Variants in CUX1 observed in about 807,000 individuals in gnomAD.
The protein encoded by CUX1 is protein CASP.
A neutral mutation model predicts 158.8 loss-of-function variants in CUX1; 31 were observed. The ratio of observed to expected loss-of-function variants is 0.20; its 90% CI spans 0.15 to 0.26. The LOEUF (loss-of-function observed/expected upper bound fraction) is 0.26. Ranked by LOEUF, CUX1 falls within the 10% of genes least tolerant of loss-of-function variation. CUX1 has a pLI of 1.00. For synonymous variants in CUX1, 879 were observed against 862.1 expected (o/e 1.02, Z -0.34); for missense variants, 1,589 against 2,014.6 (o/e 0.79, Z 4.04).
chr7:102,279,552 G>A (rs1224719736), intron 18 of CUX1, among the ~76,000 whole-genome samples: 2 of 152,024 alleles, frequency 1.3e-5, no homozygotes, highest in Non-Finnish European at 2.9e-5. Flanking sequence ...GGGCATAGTG[G>A]GGCAGGGATT....
chr7:102,085,908 A>G (rs1454402820), intron 4 of CUX1, among the ~76,000 whole-genome samples: 1 of 152,134 alleles, frequency 6.6e-6, no homozygotes, highest in African/African-American at 2.4e-5. Flanking sequence ...AATTTTCTTT[A>G]TGGCAAGTTT....
intron 23 of CUX1, among the ~76,000 whole-genome samples, chr7:102,247,562 G>A (rs1554537364): frequency 2.0e-5 from 3 of 152,230 alleles, no homozygotes; most frequent in African/African-American, 7.2e-5. Flanking sequence ...GGTGGCTCAT[G>A]CCTGTAATCC....
At chr7:101,950,715 C>G (rs1808965516) in intron 2 of CUX1, among the ~76,000 whole-genome samples, 1 of 152,068 alleles carries the variant, frequency 6.6e-6, no homozygotes, top group African/African-American at 2.4e-5. Context: ...TTTTTTTCTT[C>G]TTTCTTTTCT....
chr7:102,262,741 C>T (rs923836886), downstream of CUX1, among the ~76,000 whole-genome samples: 2 of 152,236 alleles, frequency 1.3e-5, no homozygotes, highest in African/African-American at 4.8e-5. Context: ...CTGGGAGACC[C>T]TGCAGCTGTG....
chr7:102,048,000 C>G (rs1346278197), intron 3 of CUX1, among the ~76,000 whole-genome samples: 1 of 152,036 alleles, frequency 6.6e-6, no homozygotes, highest in Non-Finnish European at 1.5e-5. Context: ...GTCCCTCCCC[C>G]AGTCTTTTTC....
At chr7:101,943,078 CTTTTTTTT>C (rs58332486) in intron 2 of CUX1, among the ~76,000 whole-genome samples, 1 of 80,332 alleles carries the variant, frequency 1.2e-5, no homozygotes, top group Admixed American at 1.5e-4. Flanking sequence ...CTGGTCAGTG[CTTTTTTTT>C]TTTTTTTTTT....
intron 1 of CUX1, among the ~76,000 whole-genome samples, chr7:101,906,362 A>T (rs1584941664): frequency 6.6e-6 from 1 of 151,554 alleles, no homozygotes; most frequent in Non-Finnish European, 1.5e-5. Flanking sequence ...GGAGCTGGGG[A>T]AGTGGCATCA....
intron 8 of CUX1, among the ~76,000 whole-genome samples, chr7:102,128,611 G>A (rs1178070688): frequency 1.3e-5 from 2 of 151,648 alleles, no homozygotes; most frequent in African/African-American, 4.8e-5. Flanking sequence ...AAAGACCTGG[G>A]TTTAATTCCC....
chr7:101,969,227 C>T (rs1028702172), intron 2 of CUX1, among the ~76,000 whole-genome samples: 2 of 151,590 alleles, frequency 1.3e-5, no homozygotes, highest in African/African-American at 2.4e-5. Flanking sequence ...TTCAGCTACC[C>T]AGGAGGCTGA....
intron 3 of CUX1, among the ~76,000 whole-genome samples, chr7:102,064,583 C>A (rs560177312): frequency 6.6e-6 from 1 of 152,160 alleles, no homozygotes. Context: ...GGGAGTCAGG[C>A]GGGTGTGTGG....
At position 102,201,633 on chromosome 7, in the gene CUX1, C is replaced by T. The variant is rs782209446; in HGVS notation, c.2336C>T (p.Pro779Leu). ...CCTGAGGCCGGTGCCTCTGCTCTGC[C>T]GAACCCCCCGGCCCTCAAAAAGGAG... ...AAPEAGASAL[P>L]NPPALKKEAQ... The change falls in exon 18 of 24, where the codon CCG becomes CTG. Residue 779 changes from proline (P) to leucine (L), a missense_variant. Around this residue, in one of 8 missense-constraint regions of CUX1, gnomAD observed 337 missense variants for 409.3 expected, o/e 0.82. Coordinates refer to ENST00000292535, the MANE Select transcript of CUX1 (RefSeq NM_181552.4). This position sits in a 1 kb window ranked among gnomAD's most constrained non-coding sequence, Gnocchi z 5.0. 12 of 1,613,572 alleles carry T rather than the reference C, an allele frequency of 7.4e-6. No homozygotes were observed. The highest frequency in any genetic ancestry group is 4.0e-5 in the African/African-American group (3 of 74,934).
At chr7:102,261,047 C>T (rs1554543738), downstream of CUX1, among the ~76,000 whole-genome samples, 1 of 152,244 alleles carries the variant, frequency 6.6e-6, no homozygotes, top group East Asian at 1.9e-4. Flanking sequence ...TGCCCAGGCT[C>T]CCGGCCAGTG....
chr7:102,173,384 T>C (rs887931650), intron 10 of CUX1, among the ~76,000 whole-genome samples: 22 of 152,058 alleles, frequency 1.4e-4, no homozygotes, highest in African/African-American at 5.3e-4. Context: ...AAAGATATGA[T>C]TGAAGTGTTC....
At chr7:102,062,509 T>C (rs1036688209) in intron 3 of CUX1, among the ~76,000 whole-genome samples, 1 of 152,112 alleles carries the variant, frequency 6.6e-6, no homozygotes, top group Admixed American at 6.5e-5. Flanking sequence ...CTATAGACAT[T>C]TGTCTTTCTC....
At chr7:101,934,382 G>T (rs1032248075) in intron 2 of CUX1, among the ~76,000 whole-genome samples, 3 of 152,128 alleles carry the variant, frequency 2.0e-5, no homozygotes, top group African/African-American at 4.8e-5. Context: ...TATTCTGGTT[G>T]TATCTCTCTG....
rs1414273567 is a variant in CUX1, at chr7:102,115,085, T to C, written c.608-122T>C. The C allele has an allele frequency of 1.2e-5, 10 of 815,872 alleles. No homozygotes were observed. The African/African-American group carries it at 1.2e-4, about 10-fold the overall frequency. 50.5% of individuals were successfully genotyped at this position (815,872 alleles called of 1,614,324 possible). ...GCCTCTTTTGTGTGTTTTTAATCTT[T>C]ATTTTTCCACGCACCTCGCTCCTCA... is the stretch of plus-strand genomic sequence containing the variant. On this transcript the variant is annotated intron_variant, in intron 7 of 23. Transcript: ENST00000292535.
intron 4 of CUX1, among the ~76,000 whole-genome samples, chr7:102,095,621 A>G (rs1431885429): frequency 2.0e-5 from 3 of 152,112 alleles, no homozygotes; most frequent in African/African-American, 7.2e-5. Context: ...CTGGCCCTCG[A>G]TTCCAGGAAC....
rs1554519600 is a variant in CUX1, at chr7:102,201,343, CCT to C, written c.2063-16_2063-15del. ...GGGGCCGCCCTGCCACACTCTCACC[CCT>C]GTTTCTCCATGCAGCAGAGCCGGCC... On this transcript the variant is annotated splice_polypyrimidine_tract_variant and intron_variant, in intron 17 of 23. Coordinates refer to ENST00000292535, the MANE Select transcript of CUX1 (RefSeq NM_181552.4). The surrounding 1 kb of genome is among the most constrained non-coding windows in gnomAD (Gnocchi z 5.0). 16 of 1,608,024 alleles carry C rather than the reference CCT, an allele frequency of 1.0e-5. No individual in the cohort carries two copies. The highest frequency in any genetic ancestry group is 3.3e-5 in the Admixed American group (2 of 59,830).
intron 3 of CUX1, among the ~76,000 whole-genome samples, chr7:102,062,827 G>A (rs1441720731): frequency 1.3e-5 from 2 of 151,984 alleles, no homozygotes; most frequent in African/African-American, 2.4e-5. Context: ...ACACTTAGCC[G>A]GGTGCGGTGG....
Sources: gnomAD v4.1 joint callset for allele counts (sites outside exome capture counted in the v4.1 genomes callset) on GRCh38, gnomAD v4.1.1 for gene constraint, gnomAD v4.1.1 regional missense constraint, Gnocchi (gnomAD v3.1) non-coding constraint, MANE v1.5 for transcripts, NCBI Gene and HGNC (gene_info 2026-07-23, HGNC 2026-07-21) for gene names.